SCAF8: variants seen among roughly 807,000 people sequenced by gnomAD.
The protein encoded by SCAF8 is SR-related and CTD-associated factor 8.
A neutral mutation model predicts 140.5 loss-of-function variants in SCAF8; 23 were observed. That is an observed-to-expected ratio of 0.16 (90% CI 0.12 to 0.23). The LOEUF is 0.23. SCAF8 is among the 10% of genes least tolerant of loss of function. The pLI is 1.00. For synonymous variants in SCAF8, 575 were observed against 528.9 expected, an observed-to-expected ratio of 1.09 and a Z score of -1.20; for missense variants, 1,397 against 1,555.7, an observed-to-expected ratio of 0.90 and a Z score of 1.72.
At chr6:154,776,828 A>G (rs571448932) in intron 2 of SCAF8, among the ~76,000 whole-genome samples, 1 of 152,278 alleles carries the variant, frequency 6.6e-6, no homozygotes, top group South Asian at 2.1e-4. Context: ...GTTTAGTTGA[A>G]TGTTCCTATT....
intron 6 of SCAF8, among the ~76,000 whole-genome samples, chr6:154,797,542 C>T (rs1777641579): frequency 6.6e-6 from 1 of 151,218 alleles, no homozygotes; most frequent in African/African-American, 2.4e-5. Context: ...ACTATAGGCA[C>T]CTGCCACCAT....
At chr6:154,809,647 T>C (rs370400337) in intron 11 of SCAF8, among the ~76,000 whole-genome samples, 2 of 152,228 alleles carry the variant, frequency 1.3e-5, no homozygotes, top group Non-Finnish European at 2.9e-5. Context: ...AGCAGAATTA[T>C]GTAGTGGCCT....
At position 154,830,343 on chromosome 6, in the gene SCAF8, T is replaced by C. The variant is rs372987774; in HGVS notation, c.2141-579T>C. On this transcript the variant is annotated intron_variant, in intron 18 of 19. Transcript: ENST00000367178. ...GCTAAAAATTTTAATTGTGTAATTA[T>C]TTTGTATTCCTCTGGTTGTGTTTTT... 2.0e-5 allele frequency among the ~76,000 whole-genome samples: 3 copies of C among 152,234 alleles called. No homozygotes were observed. The South Asian group carries it at 6.2e-4, about 32-fold the overall frequency.
chr6:154,794,447 G>C (rs1466943881), intron 5 of SCAF8, among the ~76,000 whole-genome samples: 6 of 152,084 alleles, frequency 3.9e-5, no homozygotes, highest in Admixed American at 3.3e-4. Flanking sequence ...CTGAAAATAG[G>C]TGAGTATAGT....
intron 1 of SCAF8, among the ~76,000 whole-genome samples, chr6:154,766,062 T>C (rs1401663861): frequency 8.3e-6 from 1 of 121,030 alleles, no homozygotes; most frequent in Non-Finnish European, 1.9e-5. Context: ...ACTGTATTCT[T>C]AAAGTAAGAG....
chr6:154,767,409 C>G (rs546236424), intron 1 of SCAF8, among the ~76,000 whole-genome samples: 1 of 150,640 alleles, frequency 6.6e-6, no homozygotes, highest in African/African-American at 2.4e-5. Context: ...AAGGTACTTT[C>G]ATCTGCAAAA....
At chr6:154,771,259 TG>T (rs1025856203) in intron 1 of SCAF8, among the ~76,000 whole-genome samples, 2 of 152,166 alleles carry the variant, frequency 1.3e-5, no homozygotes, top group Non-Finnish European at 2.9e-5. Flanking sequence ...TTGATCTGAT[TG>T]GGGAGGTCGG....
intron 12 of SCAF8, among the ~76,000 whole-genome samples, chr6:154,810,760 G>A (rs1188403517): frequency 1.3e-5 from 2 of 152,020 alleles, no homozygotes; most frequent in Non-Finnish European, 2.9e-5. Flanking sequence ...TGGTAGGAAT[G>A]TTAAGCACAG....
chr6:154,786,112 T>C (rs1450292249), intron 3 of SCAF8, among the ~76,000 whole-genome samples: 1 of 152,208 alleles, frequency 6.6e-6, no homozygotes, highest in East Asian at 1.9e-4. Context: ...ACTGGAGTTT[T>C]ATTATTACTC....
chr6:154,772,063 G>A (rs1776785070), intron 1 of SCAF8, among the ~76,000 whole-genome samples: 1 of 152,046 alleles, frequency 6.6e-6, no homozygotes, highest in Non-Finnish European at 1.5e-5. Context: ...GGAAAAACTG[G>A]GCAGATTTCT....
intron 12 of SCAF8, among the ~76,000 whole-genome samples, chr6:154,811,934 A>G (rs1443607442): frequency 2.0e-5 from 3 of 152,070 alleles, no homozygotes; most frequent in Admixed American, 1.3e-4. Context: ...AATCCAGTCT[A>G]TCATTGATGG....
intron 5 of SCAF8, among the ~76,000 whole-genome samples, chr6:154,794,422 G>A (rs1777525767): frequency 6.6e-6 from 1 of 151,992 alleles, no homozygotes; most frequent in Non-Finnish European, 1.5e-5. Context: ...CCAATTACTT[G>A]CAGTCAACCA....
intron 3 of SCAF8, among the ~76,000 whole-genome samples, chr6:154,786,284 C>G (rs140753055): frequency 6.6e-6 from 1 of 152,216 alleles, no homozygotes; most frequent in East Asian, 1.9e-4. Flanking sequence ...TGGGTGGGAT[C>G]GCAGAACTGG....
chr6:154,786,678 C>G (rs1777267905), intron 3 of SCAF8, among the ~76,000 whole-genome samples: 1 of 152,226 alleles, frequency 6.6e-6, no homozygotes, highest in Non-Finnish European at 1.5e-5. Flanking sequence ...CTCGCTTTCA[C>G]TGTCATAACT....
chr6:154,764,646 A>C (rs1460122248), intron 1 of SCAF8, among the ~76,000 whole-genome samples: 1 of 152,098 alleles, frequency 6.6e-6, no homozygotes, highest in Non-Finnish European at 1.5e-5. Context: ...AGATCCCAAG[A>C]AGTAGACTGA....
chr6:154,820,460 C>CATTACT, intron 15 of SCAF8, 127 bp downstream of exon 15: 1 of 703,958 alleles, frequency 1.4e-6, no homozygotes, highest in Non-Finnish European at 2.4e-6. Flanking sequence ...AGAAAAGATA[C>CATTACT]ATTACTATGC....
At chr6:154,796,353 T>TTCTCTCTCTCTCTCTC (rs532893908) in intron 6 of SCAF8, among the ~76,000 whole-genome samples, 7 of 75,190 alleles carry the variant, frequency 9.3e-5, no homozygotes, top group African/African-American at 4.8e-4. Flanking sequence ...TGCAATCCTG[T>TTCTCTCTCTCTCTCTC]TCTCTCTCTC....
chr6:154,753,983 G>A (rs914584773), intron 1 of SCAF8, among the ~76,000 whole-genome samples: 3 of 152,134 alleles, frequency 2.0e-5, no homozygotes, highest in Non-Finnish European at 2.9e-5. Context: ...AATTATAGGC[G>A]CGAGCCACTG....
intron 1 of SCAF8, among the ~76,000 whole-genome samples, chr6:154,762,019 A>T (rs1398014922): frequency 1.3e-5 from 2 of 152,258 alleles, no homozygotes; most frequent in Non-Finnish European, 2.9e-5. Context: ...TATTGTTTTT[A>T]AATTTAATTT....
Sources: allele counts gnomAD v4.1 joint callset (sites outside exome capture counted in the v4.1 genomes callset), GRCh38; gene constraint gnomAD v4.1.1; transcripts MANE v1.5; gene names NCBI Gene and HGNC (gene_info 2026-07-23, HGNC 2026-07-21).